Variants in PDE10A observed in about 807,000 individuals in gnomAD.
The protein encoded by PDE10A is cAMP and cAMP-inhibited cGMP 3',5'-cyclic phosphodiesterase 10A.
A neutral mutation model predicts 97.7 loss-of-function variants in PDE10A; 39 were observed. The ratio of observed to expected loss-of-function variants is 0.40; its 90% CI spans 0.31 to 0.52. The LOEUF (loss-of-function observed/expected upper bound fraction) is 0.52. Ranked by LOEUF, PDE10A falls within the 20% of genes least tolerant of loss-of-function variation. The pLI, the probability that PDE10A is intolerant of heterozygous loss-of-function variation, is 0.56. For missense variants in PDE10A, 731 were observed against 1,047.8 expected (o/e 0.70, Z 4.17); for synonymous variants, 371 against 376.8 (o/e 0.98, Z 0.18).
At chr6:165,453,992 C>A (rs111233950) in intron 3 of PDE10A, among the ~76,000 whole-genome samples, 1 of 152,212 alleles carries the variant, frequency 6.6e-6, no homozygotes, top group Non-Finnish European at 1.5e-5. Context: ...GCCTAGGGAG[C>A]CTAACCCCAA....
At chr6:165,965,298 G>A (rs1025461998) in intron 1 of PDE10A, among the ~76,000 whole-genome samples, 1 of 152,060 alleles carries the variant, frequency 6.6e-6, no homozygotes, top group East Asian at 1.9e-4. Flanking sequence ...TCCGGGCTGG[G>A]TAGCGTTCTG....
intron 3 of PDE10A, among the ~76,000 whole-genome samples, chr6:165,476,936 G>A (rs73247717): frequency 0.013 from 1,905 of 152,196 alleles, 39 homozygotes; most frequent in African/African-American, 0.044. Flanking sequence ...TTCCTATTCT[G>A]ACATTTTTAT....
At chr6:165,548,891 T>C (rs1194789086) in intron 1 of PDE10A, among the ~76,000 whole-genome samples, 1 of 152,212 alleles carries the variant, frequency 6.6e-6, no homozygotes, top group Non-Finnish European at 1.5e-5. Flanking sequence ...CATTCTCCCA[T>C]GGGTAAACAA....
intron 1 of PDE10A, among the ~76,000 whole-genome samples, chr6:165,863,228 G>A (rs1780954829): frequency 6.6e-6 from 1 of 152,126 alleles, no homozygotes; most frequent in Non-Finnish European, 1.5e-5. Context: ...TTGTCTTCTG[G>A]CTTTTATGCA....
At chr6:165,685,910 A>C (rs1168532909) in intron 1 of PDE10A, among the ~76,000 whole-genome samples, 1 of 152,238 alleles carries the variant, frequency 6.6e-6, no homozygotes, top group Non-Finnish European at 1.5e-5. Context: ...ATTCAGTGTT[A>C]TACAAGATTT....
At position 165,661,520 on chromosome 6, in the gene PDE10A, C is replaced by T. The variant is rs1790259849; in HGVS notation, c.865+427G>A. On this transcript the variant is annotated intron_variant, in intron 1 of 21. Coordinates refer to ENST00000539869, the MANE Select transcript of PDE10A (RefSeq NM_001385079.1). This position sits in a 1 kb window ranked among gnomAD's most constrained non-coding sequence, Gnocchi z 4.8. ...ACAGGGACCCGGTGGGCTGGACCCC[C>T]AAGTGGAAGGAAGCGCATCTGCTCC... 6.4e-6 allele frequency: 1 copy of T among 157,054 alleles called. No homozygotes were observed. The highest frequency in any genetic ancestry group is 1.4e-5 in the Non-Finnish European group (1 of 71,458). 9.7% of individuals were successfully genotyped at this position (157,054 alleles called of 1,614,324 possible). A position where few individuals can be genotyped will look rare whatever the true frequency, so the allele number is the denominator to read the frequency against.
chr6:165,744,319 C>T (rs1288061407), intron 1 of PDE10A, among the ~76,000 whole-genome samples: 1 of 152,078 alleles, frequency 6.6e-6, no homozygotes, highest in East Asian at 1.9e-4. Context: ...AAGACTGTGC[C>T]AGTTTACACA....
chr6:165,887,115 A>G (rs1781650757), intron 1 of PDE10A, among the ~76,000 whole-genome samples: 1 of 152,260 alleles, frequency 6.6e-6, no homozygotes, highest in Non-Finnish European at 1.5e-5. Context: ...TGAGTTAAAC[A>G]GCAGGTTAGA....
chr6:165,733,373 G>T (rs916592208), intron 1 of PDE10A, among the ~76,000 whole-genome samples: 93 of 152,294 alleles, frequency 6.1e-4, no homozygotes, highest in African/African-American at 2.1e-3. Context: ...CTGCCCTTGT[G>T]TAAACCAGTA....
At chr6:165,409,888 G>GTTTTTTTT (rs58019647) in intron 13 of PDE10A, among the ~76,000 whole-genome samples, 2 of 140,516 alleles carry the variant, frequency 1.4e-5, no homozygotes, top group Non-Finnish European at 3.1e-5. Context: ...CTTTTCAGAA[G>GTTTTTTTT]TTTTTTTTTT....
intron 2 of PDE10A, among the ~76,000 whole-genome samples, chr6:165,500,911 T>TGTTTGTGTAC (rs1687052895): frequency 1.3e-5 from 2 of 152,138 alleles, no homozygotes; most frequent in Admixed American, 1.3e-4. Context: ...GATGTTTGGA[T>TGTTTGTGTAC]GTTTGTGTAC....
chr6:165,731,478 T>C (rs976278027), intron 1 of PDE10A, among the ~76,000 whole-genome samples: 5 of 152,138 alleles, frequency 3.3e-5, no homozygotes, highest in Admixed American at 3.3e-4. Flanking sequence ...AGGCCCGAGC[T>C]GCCGGCACGT....
At chr6:165,347,348 A>G (rs1007090094) in intron 18 of PDE10A, among the ~76,000 whole-genome samples, 2 of 152,210 alleles carry the variant, frequency 1.3e-5, no homozygotes, top group Non-Finnish European at 2.9e-5. Flanking sequence ...TAACTTTCAT[A>G]TAAGTATAAA....
intron 1 of PDE10A, among the ~76,000 whole-genome samples, chr6:165,590,755 G>C (rs1786207996): frequency 1.3e-5 from 2 of 152,196 alleles, no homozygotes; most frequent in South Asian, 2.1e-4. Flanking sequence ...GCCGGGCATG[G>C]TGGCGGGCGC....
intron 1 of PDE10A, among the ~76,000 whole-genome samples, chr6:165,685,905 G>A (rs151272602): frequency 2.0e-5 from 3 of 152,246 alleles, no homozygotes; most frequent in African/African-American, 7.2e-5. Flanking sequence ...GACTGATTCA[G>A]TGTTATACAA....
At chr6:165,619,201 A>AGTCT (rs1562634111) in intron 1 of PDE10A, among the ~76,000 whole-genome samples, 17,350 of 136,750 alleles carry the variant, frequency 0.13, 2,267 homozygotes, top group African/African-American at 0.28. Flanking sequence ...AGTGTAGTGT[A>AGTCT]ATGTAGTGCA....
intron 20 of PDE10A, among the ~76,000 whole-genome samples, chr6:165,336,521 G>A (rs1202682901): frequency 1.3e-5 from 2 of 151,768 alleles, no homozygotes; most frequent in Non-Finnish European, 1.5e-5. Context: ...AGGCCGAGGC[G>A]GGTGGATCAC....
intron 1 of PDE10A, among the ~76,000 whole-genome samples, chr6:165,950,209 T>C (rs1783910190): frequency 6.6e-6 from 1 of 152,202 alleles, no homozygotes; most frequent in Non-Finnish European, 1.5e-5. Flanking sequence ...GTGACCTGAA[T>C]AGGAGATCCC....
chr6:165,421,934 C>T lies in PDE10A; in HGVS notation c.1654-3157G>A, dbSNP rs369718652. Among the ~76,000 whole-genome samples, 7 of 152,132 alleles carry T rather than the reference C, an allele frequency of 4.6e-5. No individual in the cohort carries two copies. In the South Asian group the frequency reaches 6.2e-4, roughly 14 times the overall value. ...AAAATTAGCTGCGCATGGTGGCATG[C>T]GTCTGTTGTCCCAGCTACTTTTGGA... On this transcript the variant is annotated intron_variant, in intron 10 of 21. Transcript: ENST00000539869.
Sources: allele counts gnomAD v4.1 joint callset (sites outside exome capture counted in the v4.1 genomes callset), GRCh38; gene constraint gnomAD v4.1.1; non-coding constraint Gnocchi (gnomAD v3.1); transcripts MANE v1.5; gene names NCBI Gene and HGNC (gene_info 2026-07-23, HGNC 2026-07-21).